The following TESK2 variants were observed in gnomAD, a reference collection of about 807,000 sequenced individuals.
TESK2 encodes the protein dual specificity testis-specific protein kinase 2.
A neutral mutation model predicts 57.1 loss-of-function variants in TESK2; 39 were observed. The observed-to-expected ratio is 0.68, with a 90% CI of 0.53 to 0.89. TESK2 has a LOEUF of 0.89. TESK2 is among the 40% of genes least tolerant of loss of function. The pLI, the probability that TESK2 is intolerant of heterozygous loss-of-function variation, is 0.00. For synonymous variants in TESK2, 249 were observed against 267.9 expected, an observed-to-expected ratio of 0.93 and a Z score of 0.69; for missense variants, 646 against 732.1, an observed-to-expected ratio of 0.88 and a Z score of 1.36.
chr1:45,436,885 C>T (rs1347505337), intron 2 of TESK2, among the ~76,000 whole-genome samples: 1 of 151,398 alleles, frequency 6.6e-6, no homozygotes. Flanking sequence ...GCAACCTCTG[C>T]CTCCCAGGCT....
intron 1 of TESK2, among the ~76,000 whole-genome samples, chr1:45,472,778 A>G (rs1652819871): frequency 6.6e-6 from 1 of 152,068 alleles, no homozygotes; most frequent in African/African-American, 2.4e-5. Flanking sequence ...AACAATGTCC[A>G]GGAGGCTGTT....
intron 2 of TESK2, among the ~76,000 whole-genome samples, chr1:45,449,952 G>A (rs768008784): frequency 2.0e-5 from 3 of 152,088 alleles, no homozygotes; most frequent in Non-Finnish European, 2.9e-5. Context: ...CATTTGAATA[G>A]ACAGAACAAT....
chr1:45,424,484 G>T (rs1468787976), intron 2 of TESK2, among the ~76,000 whole-genome samples: 1 of 152,124 alleles, frequency 6.6e-6, no homozygotes, highest in Non-Finnish European at 1.5e-5. Context: ...TGTACCTCTT[G>T]ACTGATGAAA....
intron 2 of TESK2, among the ~76,000 whole-genome samples, chr1:45,433,799 C>T (rs942291370): frequency 6.6e-6 from 1 of 151,996 alleles, no homozygotes; most frequent in Non-Finnish European, 1.5e-5. Flanking sequence ...GGATAAATAC[C>T]CACTAATGAG....
At chr1:45,360,573 A>G (rs1313920758) in intron 4 of TESK2, among the ~76,000 whole-genome samples, 1 of 150,484 alleles carries the variant, frequency 6.6e-6, no homozygotes, top group African/African-American at 2.4e-5. Context: ...AAAAGGTGAC[A>G]AAAGATGAGG....
chr1:45,386,371 T>A (rs1266361256), intron 3 of TESK2, among the ~76,000 whole-genome samples: 77 of 60,892 alleles, frequency 1.3e-3, no homozygotes, highest in Middle Eastern at 9.8e-3. Flanking sequence ...AAAAAGAGAC[T>A]GCATCTAAAA....
intron 3 of TESK2, among the ~76,000 whole-genome samples, chr1:45,404,335 T>C (rs1649746761): frequency 6.6e-6 from 1 of 152,128 alleles, no homozygotes; most frequent in Non-Finnish European, 1.5e-5. Context: ...CTGTCACATA[T>C]ATATTAAGTA....
chr1:45,386,687 C>T (rs1363928460), intron 3 of TESK2, among the ~76,000 whole-genome samples: 1 of 151,456 alleles, frequency 6.6e-6, no homozygotes, highest in Non-Finnish European at 1.5e-5. Context: ...CAGAGTCTCA[C>T]CCTGTTGCCA....
At chr1:45,366,659 G>T (rs745527546) in intron 4 of TESK2, among the ~76,000 whole-genome samples, 3 of 152,136 alleles carry the variant, frequency 2.0e-5, no homozygotes, top group Non-Finnish European at 4.4e-5. Flanking sequence ...AAAACTCAGT[G>T]AAATTGTTGA....
chr1:45,447,283 C>T (rs1651681190), intron 2 of TESK2, among the ~76,000 whole-genome samples: 1 of 152,094 alleles, frequency 6.6e-6, no homozygotes, highest in Non-Finnish European at 1.5e-5. Context: ...GCTTAAAACA[C>T]AAACACATTT....
chr1:45,428,176 T>C (rs1386503937), intron 2 of TESK2, among the ~76,000 whole-genome samples: 1 of 152,324 alleles, frequency 6.6e-6, no homozygotes, highest in East Asian at 1.9e-4. Flanking sequence ...ATTAACTTAT[T>C]TAATCTTGAA....
intron 2 of TESK2, among the ~76,000 whole-genome samples, chr1:45,423,559 GAAA>G (rs59821943): frequency 1.1e-3 from 143 of 125,818 alleles, no homozygotes; most frequent in African/African-American, 1.6e-3. Flanking sequence ...TCCGTCTCGC[GAAA>G]AAAAAAAAAA....
intron 4 of TESK2, among the ~76,000 whole-genome samples, chr1:45,368,619 C>T (rs1028950705): frequency 1.3e-5 from 2 of 152,054 alleles, no homozygotes; most frequent in Non-Finnish European, 2.9e-5. Flanking sequence ...AGGTGATCCA[C>T]CTGCCTCGGC....
At chr1:45,349,223 G>C (rs769752388) in intron 5 of TESK2, among the ~76,000 whole-genome samples, 2 of 151,744 alleles carry the variant, frequency 1.3e-5, no homozygotes, top group Non-Finnish European at 2.9e-5. Flanking sequence ...CCTTACTCTG[G>C]CCTTGACATG....
At chr1:45,471,317 T>C (rs998598950) in intron 1 of TESK2, among the ~76,000 whole-genome samples, 1 of 152,172 alleles carries the variant, frequency 6.6e-6, no homozygotes, top group Admixed American at 6.5e-5. Flanking sequence ...GGTAGGAGGA[T>C]GTACAAAATG....
Position 45,354,994 on chromosome 1 carries a change from G to GT in TESK2, c.540+308_540+309insA, listed in dbSNP as rs1647361216. ...CAGCCAGGAGTTCAAGACCAGCCTG[G>GT]CCAATATGGCAAAATTCTGCCTCTA... is the stretch of plus-strand genomic sequence containing the variant. On this transcript the variant is annotated intron_variant, in intron 5 of 10. Coordinates refer to ENST00000372086, the MANE Select transcript of TESK2 (RefSeq NM_007170.3). Among the ~76,000 whole-genome samples, 4 of 151,474 alleles carry GT rather than the reference G, an allele frequency of 2.6e-5. No homozygotes were observed. In the South Asian group the frequency reaches 8.3e-4, roughly 32 times the overall value.
chr1:45,480,219 G>T lies in TESK2; in HGVS notation c.-87+10633C>A, dbSNP rs1241077785. On this transcript the variant is annotated intron_variant, in intron 1 of 10. Coordinates refer to ENST00000372086, the MANE Select transcript of TESK2 (RefSeq NM_007170.3). ...CTCACACCTGTAATCCCAGCACTTT[G>T]GGAGGCCGAGGTGGGCGGATCACAA... Among the ~76,000 whole-genome samples the T allele has an allele frequency of 3.3e-5, 5 of 151,634 alleles. No individual in the cohort carries two copies. In the East Asian group the frequency reaches 9.8e-4, roughly 30 times the overall value.
At chr1:45,396,788 C>T (rs1176487136) in intron 3 of TESK2, among the ~76,000 whole-genome samples, 1 of 148,924 alleles carries the variant, frequency 6.7e-6, no homozygotes, top group Non-Finnish European at 1.5e-5. Context: ...CACGCCCGGC[C>T]TGGTATCAGC....
chr1:45,345,167 G>T lies in TESK2; in HGVS notation c.1389C>A (p.Phe463Leu), dbSNP rs1243086479. 1 of 1,614,196 alleles carries T rather than the reference G, an allele frequency of 6.2e-7. No individual in the cohort carries two copies. Among genetic ancestry groups the T allele is most frequent in the Non-Finnish European group, 8.5e-7 (1 of 1,180,028 alleles). Reference sequence around the variant, plus strand: ...CAAATGGACAAGCCTCTTGATGCAAGAACTCAGGCGAACCAGGCAAGGAAC... The same window carrying T: ...CAAATGGACAAGCCTCTTGATGCAATAACTCAGGCGAACCAGGCAAGGAAC... ...RWRSLPGSPE[F>L]LHQEACPFVG... Residue 463 changes from phenylalanine to leucine, a missense_variant, in exon 11 of 11, where the codon TTC becomes TTA. Coordinates refer to ENST00000372086, the MANE Select transcript of TESK2 (RefSeq NM_007170.3).
Sources: gnomAD v4.1 joint callset for allele counts (sites outside exome capture counted in the v4.1 genomes callset) on GRCh38, gnomAD v4.1.1 for gene constraint, MANE v1.5 for transcripts, NCBI Gene and HGNC (gene_info 2026-07-23, HGNC 2026-07-21) for gene names.